SLC4A4: variants seen among roughly 807,000 people sequenced by gnomAD.
The protein encoded by SLC4A4 is electrogenic sodium bicarbonate cotransporter 1.
SLC4A4 carries 27 observed loss-of-function variants against 111.5 expected under a neutral mutation model. That is an observed-to-expected ratio of 0.24 (90% CI 0.18 to 0.33). The LOEUF is 0.33. SLC4A4 is among the 10% of genes least tolerant of loss of function. The pLI is 1.00. For missense variants in SLC4A4, 909 were observed against 1,315.5 expected, an observed-to-expected ratio of 0.69 and a Z score of 4.78; for synonymous variants, 443 against 463.4, an observed-to-expected ratio of 0.96 and a Z score of 0.57.
intron 7 of SLC4A4, among the ~76,000 whole-genome samples, chr4:71,414,958 G>A (rs966335205): frequency 3.3e-5 from 5 of 152,176 alleles, no homozygotes; most frequent in African/African-American, 1.2e-4. Context: ...AAGGATAAGG[G>A]TGTCATTCTG....
intron 3 of SLC4A4, among the ~76,000 whole-genome samples, chr4:71,289,521 GA>G (rs1357460944): frequency 3.3e-5 from 5 of 152,200 alleles, no homozygotes; most frequent in African/African-American, 1.2e-4. Context: ...ATCTAGCAGA[GA>G]GAGAACGTGT....
At chr4:71,099,029 T>A (rs975376390) in intron 2 of SLC4A4, among the ~76,000 whole-genome samples, 1 of 152,148 alleles carries the variant, frequency 6.6e-6, no homozygotes, top group African/African-American at 2.4e-5. Context: ...AATACTCTAC[T>A]GACAGTATTA....
intron 3 of SLC4A4, among the ~76,000 whole-genome samples, chr4:71,255,758 G>A (rs1405117593): frequency 6.6e-6 from 1 of 152,130 alleles, no homozygotes; most frequent in Non-Finnish European, 1.5e-5. Flanking sequence ...TTAGAAATAG[G>A]TTCTGTTGAG....
At position 71,505,469 on chromosome 4, in the gene SLC4A4, T is replaced by C. The variant is rs577943349; in HGVS notation, c.2166+7777T>C. Among the ~76,000 whole-genome samples, 24 of 152,068 alleles carry C rather than the reference T, an allele frequency of 1.6e-4. No homozygotes were observed. In the East Asian group the frequency reaches 4.1e-3, roughly 26 times the overall value. ...TTAGTAATGTTGAGGTTTTTTTTTTTCATATGTTTGCTGGCCACATGTATG... is the reference window on the plus strand; with the variant it reads ...TTAGTAATGTTGAGGTTTTTTTTTTCCATATGTTTGCTGGCCACATGTATG... On this transcript the variant is annotated intron_variant, in intron 16 of 25. Coordinates refer to ENST00000264485, the MANE Select transcript of SLC4A4 (RefSeq NM_001098484.3).
intron 2 of SLC4A4, among the ~76,000 whole-genome samples, chr4:71,169,273 C>T (rs1400034963): frequency 6.6e-6 from 1 of 151,898 alleles, no homozygotes; most frequent in Admixed American, 6.6e-5. Context: ...GCCTTGGCCT[C>T]TCAAAGTGTT....
At chr4:71,228,674 G>A (rs1719205472) in intron 1 of SLC4A4, among the ~76,000 whole-genome samples, 1 of 152,138 alleles carries the variant, frequency 6.6e-6, no homozygotes, top group Non-Finnish European at 1.5e-5. Flanking sequence ...GTAGAATAAT[G>A]TTTCTAGGGG....
At chr4:71,094,514 G>T (rs561860747) in intron 2 of SLC4A4, among the ~76,000 whole-genome samples, 1 of 152,312 alleles carries the variant, frequency 6.6e-6, no homozygotes, top group Non-Finnish European at 1.5e-5. Context: ...ATTTAAGGCT[G>T]CAGTACTTTT....
rs529069938 is a variant in SLC4A4, at chr4:71,505,661, G to A, written c.2166+7969G>A. ...AGGTTGTCTGTTTACAATGATGATC[G>A]TTTCTTTTGCTGGGCAGAAGCTCTT... On this transcript the variant is annotated intron_variant, in intron 16 of 25. Coordinates refer to ENST00000264485, the MANE Select transcript of SLC4A4 (RefSeq NM_001098484.3). 4.9e-4 allele frequency among the ~76,000 whole-genome samples: 75 copies of A among 152,068 alleles called. No individual in the cohort carries two copies. The South Asian group carries it at 7.5e-3, about 15-fold the overall frequency.
At chr4:71,357,590 T>C (rs944751455) in intron 6 of SLC4A4, among the ~76,000 whole-genome samples, 1 of 152,222 alleles carries the variant, frequency 6.6e-6, no homozygotes, top group Non-Finnish European at 1.5e-5. Context: ...GATAAATGCC[T>C]TGAAATCTCC....
chr4:71,078,185 T>A (rs550987264), intron 1 of SLC4A4, among the ~76,000 whole-genome samples: 2 of 152,292 alleles, frequency 1.3e-5, no homozygotes, highest in South Asian at 4.1e-4. Flanking sequence ...TCAAAATGCA[T>A]CAAACCATCT....
intron 18 of SLC4A4, among the ~76,000 whole-genome samples, chr4:71,545,249 C>T (rs10805089): frequency 0.72 from 109,496 of 151,862 alleles, 39,685 homozygotes; most frequent in Admixed American, 0.76. Context: ...GATCCATGTG[C>T]GTGAGCCAGG....
chr4:71,536,457 CATATATACATATATATATAT>C (rs1322552747), intron 18 of SLC4A4, among the ~76,000 whole-genome samples: 6 of 31,412 alleles, frequency 1.9e-4, no homozygotes, highest in Admixed American at 5.2e-4. Flanking sequence ...TACATATATA[CATATATACATATATATATAT>C]ATATATATAT....
intron 12 of SLC4A4, among the ~76,000 whole-genome samples, chr4:71,459,175 C>T (rs568838747): frequency 6.6e-6 from 1 of 151,760 alleles, no homozygotes; most frequent in Non-Finnish European, 1.5e-5. Context: ...TTTGAAAGAC[C>T]TTTGTCACCC....
intron 16 of SLC4A4, among the ~76,000 whole-genome samples, chr4:71,517,898 G>T (rs1429483132): frequency 6.6e-6 from 1 of 152,184 alleles, no homozygotes; most frequent in Admixed American, 6.5e-5. Context: ...CTGGCACCTG[G>T]GTCCATGGTT....
intron 2 of SLC4A4, among the ~76,000 whole-genome samples, chr4:71,245,621 A>C (rs1720600021): frequency 6.6e-6 from 1 of 152,044 alleles, no homozygotes; most frequent in African/African-American, 2.4e-5. Flanking sequence ...GTATATATTG[A>C]ATTTGAAGCA....
At chr4:71,437,733 C>G in intron 7 of SLC4A4, 1 of 314,596 alleles carries the variant, frequency 3.2e-6, no homozygotes, top group Non-Finnish European at 6.3e-6. Flanking sequence ...GAGCGGCCCC[C>G]TCCAAAGTGA....
intron 2 of SLC4A4, among the ~76,000 whole-genome samples, chr4:71,175,127 T>C (rs1246952058): frequency 2.0e-5 from 3 of 152,216 alleles, no homozygotes; most frequent in Non-Finnish European, 4.4e-5. Flanking sequence ...GGCAGATAAA[T>C]GGAATAATTT....
rs1267461195 is a variant in SLC4A4 at position 71,462,462 on chromosome 4, G to A, written c.1498-3982G>A. On this transcript the variant is annotated intron_variant, in intron 12 of 25. Coordinates refer to ENST00000264485, the MANE Select transcript of SLC4A4 (RefSeq NM_001098484.3). Reference sequence around the variant, plus strand: ...TTGAAACTGTCGCCTAGGCTGGAGTGGAGTGGCGTGATCTCAGCTCACTGA... The same window carrying A: ...TTGAAACTGTCGCCTAGGCTGGAGTAGAGTGGCGTGATCTCAGCTCACTGA... 4.1e-5 allele frequency among the ~76,000 whole-genome samples: 6 copies of A among 147,650 alleles called. No individual in the cohort carries two copies. In the Admixed American group the frequency reaches 4.1e-4, roughly 10 times the overall value.
rs115126478 is a variant in SLC4A4 at position 71,285,518 on chromosome 4, G to A, written c.253+30119G>A. On this transcript the variant is annotated intron_variant, in intron 3 of 25. Transcript: ENST00000264485. ...TTACTGGGGGCTGGGGCTTGATGAA[G>A]CATCAGAACCTGGAAGTATGCTGAT... 8.9e-4 allele frequency among the ~76,000 whole-genome samples: 135 copies of A among 152,254 alleles called. 1 individual carries two copies. The highest frequency in any genetic ancestry group is 2.9e-3 in the African/African-American group (120 of 41,550).
Sources: gnomAD v4.1 joint callset for allele counts (sites outside exome capture counted in the v4.1 genomes callset) on GRCh38, gnomAD v4.1.1 for gene constraint, MANE v1.5 for transcripts, NCBI Gene and HGNC (gene_info 2026-07-23, HGNC 2026-07-21) for gene names.